The following NAALADL2 variants were observed in gnomAD, a reference collection of about 807,000 sequenced individuals.
The protein encoded by NAALADL2 is inactive N-acetylated-alpha-linked acidic dipeptidase-like protein 2.
Under a neutral mutation model 87.2 loss-of-function variants are expected in NAALADL2, and 76 were observed. The ratio of observed to expected loss-of-function variants is 0.87; its 90% CI spans 0.72 to 1.05. NAALADL2 has a LOEUF of 1.05. NAALADL2 is among the 50% of genes least tolerant of loss of function. NAALADL2 has a pLI of 0.00. For missense variants in NAALADL2, 1,089 were observed against 945.8 expected (o/e 1.15, Z -1.99); for synonymous variants, 354 against 331.0 (o/e 1.07, Z -0.75).
intron 4 of NAALADL2, among the ~76,000 whole-genome samples, chr3:175,311,948 A>T (rs1243410012): frequency 6.6e-6 from 1 of 152,164 alleles, no homozygotes; most frequent in Non-Finnish European, 1.5e-5. Flanking sequence ...TGTTCAGTGA[A>T]TTTGAAGAAG....
At chr3:175,586,441 T>C (rs1720549823) in intron 10 of NAALADL2, among the ~76,000 whole-genome samples, 1 of 152,248 alleles carries the variant, frequency 6.6e-6, no homozygotes, top group South Asian at 2.1e-4. Flanking sequence ...GCTGTTTTTG[T>C]TCCTGTGACT....
chr3:174,518,766 G>C (rs1307763251), intron 1 of NAALADL2, among the ~76,000 whole-genome samples: 5 of 152,170 alleles, frequency 3.3e-5, no homozygotes, highest in African/African-American at 1.2e-4. Context: ...GTGTGAAAAA[G>C]AAGATAGGTA....
At chr3:175,737,976 T>C (rs1372037134) in intron 12 of NAALADL2, among the ~76,000 whole-genome samples, 5 of 152,034 alleles carry the variant, frequency 3.3e-5, no homozygotes, top group Admixed American at 6.6e-5. Context: ...AATAATTACC[T>C]TCATTTCCCC....
At chr3:175,531,197 G>A (rs763594751) in intron 9 of NAALADL2, among the ~76,000 whole-genome samples, 4 of 152,078 alleles carry the variant, frequency 2.6e-5, no homozygotes, top group African/African-American at 9.7e-5. Flanking sequence ...CAGGTCATTC[G>A]ATAAATGGGC....
At position 175,251,139 on chromosome 3, in the gene NAALADL2, A is replaced by T. The variant is rs183857310; in HGVS notation, c.820-5272A>T. 1.8e-4 allele frequency among the ~76,000 whole-genome samples: 27 copies of T among 152,340 alleles called. No homozygotes were observed. The East Asian group carries it at 5.2e-3, about 29-fold the overall frequency. On this transcript the variant is annotated intron_variant, in intron 3 of 13. Transcript: ENST00000454872. ...TGATACATAGAATGCCACTTTAAAA[A>T]ATTAACTTTTTAAAGTGTGGAAATC...
intron 5 of NAALADL2, among the ~76,000 whole-genome samples, chr3:175,445,898 T>G (rs900358975): frequency 2.0e-5 from 3 of 152,134 alleles, no homozygotes; most frequent in Non-Finnish European, 4.4e-5. Context: ...GAGACCTCCC[T>G]CCCCAGCTCT....
intron 2 of NAALADL2, among the ~76,000 whole-genome samples, chr3:175,190,355 A>C (rs767369524): frequency 6.6e-6 from 1 of 152,136 alleles, no homozygotes; most frequent in African/African-American, 2.4e-5. Context: ...ACACAACTGA[A>C]TATCAGAAAA....
chr3:175,370,322 T>G (rs1183138627), intron 5 of NAALADL2, among the ~76,000 whole-genome samples: 1 of 152,156 alleles, frequency 6.6e-6, no homozygotes, highest in Non-Finnish European at 1.5e-5. Flanking sequence ...GGTTATTTCT[T>G]TTAAAAGCCC....
At chr3:174,830,991 C>T (rs1379680118) in intron 3 of NAALADL2, among the ~76,000 whole-genome samples, 6 of 150,764 alleles carry the variant, frequency 4.0e-5, no homozygotes, top group Non-Finnish European at 7.4e-5. Context: ...TGCTTATCAG[C>T]TTAAGGAGAT....
intron 2 of NAALADL2, among the ~76,000 whole-genome samples, chr3:174,693,281 C>G (rs1249011535): frequency 6.6e-6 from 1 of 152,126 alleles, no homozygotes; most frequent in Non-Finnish European, 1.5e-5. Flanking sequence ...ACTGCATTCA[C>G]TTTTCTTAAT....
intron 1 of NAALADL2, among the ~76,000 whole-genome samples, chr3:175,071,289 A>G (rs1715588388): frequency 6.6e-6 from 1 of 152,142 alleles, no homozygotes; most frequent in East Asian, 1.9e-4. Flanking sequence ...ATGCTAAGAT[A>G]TTTTAAATAT....
At chr3:174,862,080 T>G (rs1035682257) in intron 1 of NAALADL2, among the ~76,000 whole-genome samples, 4 of 152,186 alleles carry the variant, frequency 2.6e-5, no homozygotes, top group Admixed American at 2.0e-4. Flanking sequence ...GTCCTCAGGA[T>G]TCATAAAATA....
chr3:174,817,244 A>C (rs1259718664), intron 3 of NAALADL2, among the ~76,000 whole-genome samples: 1 of 152,196 alleles, frequency 6.6e-6, no homozygotes, highest in Non-Finnish European at 1.5e-5. Context: ...ATTTTGTTTT[A>C]GGGTACTTGG....
At chr3:174,802,939 CAT>C (rs1475802499) in intron 3 of NAALADL2, among the ~76,000 whole-genome samples, 1 of 152,110 alleles carries the variant, frequency 6.6e-6, no homozygotes, top group African/African-American at 2.4e-5. Flanking sequence ...GCACAATAAA[CAT>C]ATGTGTGCAT....
At chr3:175,541,149 C>T (rs978997008) in intron 9 of NAALADL2, among the ~76,000 whole-genome samples, 1 of 152,162 alleles carries the variant, frequency 6.6e-6, no homozygotes, top group African/African-American at 2.4e-5. Context: ...TCTTTCGAAT[C>T]CTTCAATCCC....
At chr3:175,522,751 C>T (rs1732826418) in intron 9 of NAALADL2, among the ~76,000 whole-genome samples, 1 of 152,134 alleles carries the variant, frequency 6.6e-6, no homozygotes, top group African/African-American at 2.4e-5. Flanking sequence ...AACTTGCCTG[C>T]TTTCTCCACA....
At chr3:174,890,344 A>G (rs1440245764) in intron 1 of NAALADL2, among the ~76,000 whole-genome samples, 2 of 152,170 alleles carry the variant, frequency 1.3e-5, no homozygotes, top group East Asian at 3.8e-4. Context: ...GTTCTCTGGG[A>G]GATAGCAAAA....
At chr3:174,445,329 T>C (rs948664604) in intron 1 of NAALADL2, among the ~76,000 whole-genome samples, 2 of 151,932 alleles carry the variant, frequency 1.3e-5, no homozygotes, top group South Asian at 2.1e-4. Context: ...TATTCAGGAG[T>C]ACGTCTCATT....
chr3:175,574,785 T>C (rs1002072045), intron 9 of NAALADL2, among the ~76,000 whole-genome samples: 2 of 152,188 alleles, frequency 1.3e-5, no homozygotes, highest in African/African-American at 2.4e-5. Flanking sequence ...AAAAGTATTT[T>C]TGAAATTATG....
Sources: allele counts gnomAD v4.1 joint callset (sites outside exome capture counted in the v4.1 genomes callset), GRCh38; gene constraint gnomAD v4.1.1; transcripts MANE v1.5; gene names NCBI Gene and HGNC (gene_info 2026-07-23, HGNC 2026-07-21).